MACROD2: variants seen among roughly 807,000 people sequenced by gnomAD.
MACROD2 encodes the protein ADP-ribose glycohydrolase MACROD2.
Under a neutral mutation model 70.4 loss-of-function variants are expected in MACROD2, and 36 were observed. That is an observed-to-expected ratio of 0.51 (90% CI 0.39 to 0.68). The LOEUF (loss-of-function observed/expected upper bound fraction) is 0.68, where lower values mean the gene tolerates loss of function less well. MACROD2 is among the 30% of genes least tolerant of loss of function. The pLI is 0.00. For missense variants in MACROD2, 496 were observed against 538.4 expected (o/e 0.92, Z 0.78); for synonymous variants, 172 against 178.8 (o/e 0.96, Z 0.30).
chr20:15,761,986 A>G (rs6135495), intron 8 of MACROD2, among the ~76,000 whole-genome samples: 4,742 of 152,190 alleles, frequency 0.031, 353 homozygotes, highest in East Asian at 0.3. Flanking sequence ...CATGCAGCCC[A>G]TAGGTTTTAT....
Position 14,732,492 on chromosome 20 carries a change from T to C in MACROD2, c.418+47533T>C, listed in dbSNP as rs1003084519. On this transcript the variant is annotated intron_variant, in intron 5 of 17. Transcript: ENST00000684519. ...TGAAGGGGGAAAAAAATCAATAGTGTCCCTAAGGCCGTGTAAGTCATGAGT... is the reference window on the plus strand; with the variant it reads ...TGAAGGGGGAAAAAAATCAATAGTGCCCCTAAGGCCGTGTAAGTCATGAGT... Among the ~76,000 whole-genome samples, 3 of 152,106 alleles carry C rather than the reference T, an allele frequency of 2.0e-5. 1 individual carries two copies. Among genetic ancestry groups the C allele is most frequent in the Non-Finnish European group, 4.4e-5 (3 of 67,996 alleles).
intron 8 of MACROD2, among the ~76,000 whole-genome samples, chr20:15,728,919 C>T (rs2050903343): frequency 6.6e-6 from 1 of 152,028 alleles, no homozygotes; most frequent in African/African-American, 2.4e-5. Context: ...TTCTTGTCAT[C>T]TACTAGCTTT....
At chr20:15,383,772 AC>A (rs1568765587) in intron 6 of MACROD2, among the ~76,000 whole-genome samples, 1 of 152,208 alleles carries the variant, frequency 6.6e-6, no homozygotes, top group African/African-American at 2.4e-5. Flanking sequence ...GTTGACAGAA[AC>A]ATTTCATTTT....
chr20:15,781,559 A>G (rs6043544), intron 8 of MACROD2, among the ~76,000 whole-genome samples: 13,784 of 152,102 alleles, frequency 0.091, 1,332 homozygotes, highest in East Asian at 0.33. Context: ...GCATCTCTGG[A>G]GGGGAAGAAC....
intron 8 of MACROD2, among the ~76,000 whole-genome samples, chr20:15,749,785 G>T (rs1388665613): frequency 6.6e-6 from 1 of 151,936 alleles, no homozygotes; most frequent in Non-Finnish European, 1.5e-5. Context: ...ACAGTCCTGG[G>T]AATACTGACT....
chr20:15,386,909 C>CCTCTGTGAT (rs1225453003), intron 6 of MACROD2, among the ~76,000 whole-genome samples: 3 of 152,194 alleles, frequency 2.0e-5, no homozygotes, highest in Non-Finnish European at 4.4e-5. Flanking sequence ...CTGGCTGACT[C>CCTCTGTGAT]CTCTGTGATC....
At chr20:15,413,395 C>T (rs534291425) in intron 6 of MACROD2, among the ~76,000 whole-genome samples, 3 of 152,104 alleles carry the variant, frequency 2.0e-5, no homozygotes, top group East Asian at 1.9e-4. Context: ...TAGTAATTTC[C>T]GAAGTTATTG....
intron 6 of MACROD2, among the ~76,000 whole-genome samples, chr20:15,359,094 T>C (rs2078322401): frequency 6.6e-6 from 1 of 152,150 alleles, no homozygotes. Flanking sequence ...ACCGACCTGA[T>C]TTTTCACTTA....
intron 15 of MACROD2, among the ~76,000 whole-genome samples, chr20:16,003,527 C>T (rs2066744417): frequency 6.6e-6 from 1 of 152,174 alleles, no homozygotes; most frequent in Admixed American, 6.5e-5. Flanking sequence ...ACCCTAGCTC[C>T]AGCAGGTGTA....
chr20:14,302,246 T>C (rs2082481070), intron 3 of MACROD2, among the ~76,000 whole-genome samples: 1 of 152,198 alleles, frequency 6.6e-6, no homozygotes, highest in Non-Finnish European at 1.5e-5. Flanking sequence ...GAGTTCCTTG[T>C]GGTTGTTGGA....
chr20:15,237,605 G>GTGA (rs751377978), intron 6 of MACROD2, among the ~76,000 whole-genome samples: 7 of 152,038 alleles, frequency 4.6e-5, no homozygotes, highest in Non-Finnish European at 8.8e-5. Context: ...TCTATAGGAG[G>GTGA]TGATGACAGG....
chr20:15,996,922 G>T (rs1447553980), intron 15 of MACROD2, among the ~76,000 whole-genome samples: 2 of 152,064 alleles, frequency 1.3e-5, no homozygotes, highest in Non-Finnish European at 2.9e-5. Flanking sequence ...TTCTATGTGG[G>T]TATCCAGTTT....
intron 3 of MACROD2, among the ~76,000 whole-genome samples, chr20:14,131,665 C>T (rs996793209): frequency 6.6e-6 from 1 of 152,118 alleles, no homozygotes; most frequent in African/African-American, 2.4e-5. Context: ...TACTTCTTAG[C>T]ATTTGAAGAT....
chr20:15,796,066 T>G (rs957646440), intron 8 of MACROD2, among the ~76,000 whole-genome samples: 35 of 152,160 alleles, frequency 2.3e-4, no homozygotes, highest in African/African-American at 8.0e-4. Flanking sequence ...TAAAAGACTG[T>G]GTTGCACCCC....
At chr20:15,709,779 ATTTG>A (rs1236416421) in intron 8 of MACROD2, among the ~76,000 whole-genome samples, 4 of 152,220 alleles carry the variant, frequency 2.6e-5, no homozygotes, top group East Asian at 1.9e-4. Flanking sequence ...CACCTCAAAT[ATTTG>A]TTTGTGTAGA....
chr20:15,649,860 C>A (rs750185142), intron 8 of MACROD2, among the ~76,000 whole-genome samples: 3 of 152,074 alleles, frequency 2.0e-5, no homozygotes, highest in Non-Finnish European at 4.4e-5. Context: ...CCAAAGATGT[C>A]ACATATACAA....
intron 5 of MACROD2, among the ~76,000 whole-genome samples, chr20:14,723,849 A>G (rs1358700246): frequency 2.0e-5 from 3 of 151,958 alleles, no homozygotes; most frequent in South Asian, 2.1e-4. Flanking sequence ...ACCTTACTGA[A>G]CATGACCACT....
At chr20:14,503,739 C>A (rs192010744) in intron 4 of MACROD2, among the ~76,000 whole-genome samples, 36 of 152,366 alleles carry the variant, frequency 2.4e-4, no homozygotes, top group Non-Finnish European at 2.1e-4. Context: ...AACTCTGCAA[C>A]TTCCTAGATG....
intron 7 of MACROD2, among the ~76,000 whole-genome samples, chr20:15,477,029 C>T (rs1285967109): frequency 1.3e-5 from 2 of 151,776 alleles, no homozygotes; most frequent in Non-Finnish European, 2.9e-5. Flanking sequence ...TCCGCTTGGA[C>T]TGATCTCCAC....
Sources: allele counts gnomAD v4.1 joint callset (sites outside exome capture counted in the v4.1 genomes callset), GRCh38; gene constraint gnomAD v4.1.1; transcripts MANE v1.5; gene names NCBI Gene and HGNC (gene_info 2026-07-23, HGNC 2026-07-21).